The following RNF13 variants were observed in gnomAD, a reference collection of about 807,000 sequenced individuals.
RNF13 encodes E3 ubiquitin-protein ligase RNF13.
RNF13 carries 19 observed loss-of-function variants against 37.7 expected under a neutral mutation model. The observed-to-expected ratio is 0.50, with a 90% CI of 0.35 to 0.74. RNF13 has a LOEUF of 0.74. RNF13 is among the 30% of genes least tolerant of loss of function. RNF13 has a pLI of 0.01. For synonymous variants in RNF13, 144 were observed against 157.8 expected (o/e 0.91, Z 0.65); for missense variants, 375 against 453.0 (o/e 0.83, Z 1.56).
At chr3:149,938,982 C>G (rs1297459777) in intron 8 of RNF13, 5 of 459,532 alleles carry the variant, frequency 1.1e-5, no homozygotes, top group Non-Finnish European at 2.1e-5. Context: ...ATTGTTTAAA[C>G]TATTTTCCTA....
At chr3:149,910,938 A>G (rs1423175811) in intron 6 of RNF13, among the ~76,000 whole-genome samples, 1 of 152,240 alleles carries the variant, frequency 6.6e-6, no homozygotes, top group Non-Finnish European at 1.5e-5. Flanking sequence ...GTCAATTTTT[A>G]TAATGATAAT....
chr3:149,818,854 T>C (rs1439854599), intron 1 of RNF13, among the ~76,000 whole-genome samples: 1 of 152,140 alleles, frequency 6.6e-6, no homozygotes, highest in Non-Finnish European at 1.5e-5. Context: ...GAGGTTGCAG[T>C]GAGCCAAGAC....
intron 4 of RNF13, 91 bp downstream of exon 4, chr3:149,872,245 A>G (rs1175436411): frequency 6.0e-6 from 5 of 828,630 alleles, no homozygotes; most frequent in Non-Finnish European, 8.9e-6. Flanking sequence ...GAAAACATTT[A>G]AAATTTAAAA....
At chr3:149,916,852 T>TC (rs1717568257) in intron 7 of RNF13, among the ~76,000 whole-genome samples, 1 of 152,224 alleles carries the variant, frequency 6.6e-6, no homozygotes, top group Admixed American at 6.5e-5. Context: ...GTATGGCTTT[T>TC]CTTTTTCTAG....
intron 1 of RNF13, among the ~76,000 whole-genome samples, chr3:149,829,736 G>A (rs895015672): frequency 1.3e-5 from 2 of 152,186 alleles, no homozygotes; most frequent in Non-Finnish European, 2.9e-5. Context: ...GTTTTTAAAA[G>A]CGTTAAAAAA....
At chr3:149,816,336 T>C (rs900480540) in intron 1 of RNF13, among the ~76,000 whole-genome samples, 1 of 152,180 alleles carries the variant, frequency 6.6e-6, no homozygotes, top group Non-Finnish European at 1.5e-5. Flanking sequence ...GTCTCTTTTG[T>C]GTCTTATTTC....
chr3:149,838,213 G>A (rs1370534548), intron 1 of RNF13, among the ~76,000 whole-genome samples: 1 of 152,202 alleles, frequency 6.6e-6, no homozygotes, highest in Non-Finnish European at 1.5e-5. Context: ...GCTTTCATGG[G>A]CTGGCGTTGA....
rs1267609848 is a variant in RNF13, at chr3:149,886,823, A to G, written c.322-8650A>G. On this transcript the variant is annotated intron_variant, in intron 4 of 9. Transcript: ENST00000392894. ...GAAAGGATATGATTTTTTCAAATGTATAGTGTTAGTAGTATCCAAATAAGT... is the reference window on the plus strand; with the variant it reads ...GAAAGGATATGATTTTTTCAAATGTGTAGTGTTAGTAGTATCCAAATAAGT... Among the ~76,000 whole-genome samples the G allele has an allele frequency of 2.6e-5, 4 of 152,306 alleles. No homozygotes were observed. The South Asian group carries it at 6.2e-4, about 24-fold the overall frequency.
At chr3:149,874,784 A>T (rs1712495549) in intron 4 of RNF13, among the ~76,000 whole-genome samples, 1 of 152,092 alleles carries the variant, frequency 6.6e-6, no homozygotes. Context: ...AGGTAGTGTG[A>T]CTGGGTAAGG....
intron 1 of RNF13, among the ~76,000 whole-genome samples, chr3:149,835,794 T>A (rs1480439148): frequency 6.6e-6 from 1 of 151,886 alleles, no homozygotes; most frequent in African/African-American, 2.4e-5. Flanking sequence ...TGCAAATATC[T>A]TTTTTTTATG....
chr3:149,917,546 G>A (rs532912585), intron 7 of RNF13: 1 of 152,144 alleles, frequency 6.6e-6, no homozygotes, highest in African/African-American at 2.4e-5. Flanking sequence ...GGTGGCAAAG[G>A]GGCGCATGCT....
At chr3:149,878,132 CT>C (rs1301616853) in intron 4 of RNF13, among the ~76,000 whole-genome samples, 1 of 152,102 alleles carries the variant, frequency 6.6e-6, no homozygotes, top group Non-Finnish European at 1.5e-5. Flanking sequence ...CCCAAACATT[CT>C]TTTGCTTCAG....
chr3:149,869,261 G>A (rs527808560), intron 3 of RNF13, among the ~76,000 whole-genome samples: 1 of 151,850 alleles, frequency 6.6e-6, no homozygotes, highest in African/African-American at 2.4e-5. Flanking sequence ...GTGTTATCTT[G>A]GAGATCACTG....
chr3:149,856,154 T>C (rs1723626714), intron 3 of RNF13, among the ~76,000 whole-genome samples: 1 of 151,996 alleles, frequency 6.6e-6, no homozygotes, highest in South Asian at 2.1e-4. Flanking sequence ...ATCTGTCTGC[T>C]TTTTGCACTT....
chr3:149,869,850 G>T (rs1490413006), intron 3 of RNF13, among the ~76,000 whole-genome samples: 1 of 151,768 alleles, frequency 6.6e-6, no homozygotes, highest in Non-Finnish European at 1.5e-5. Flanking sequence ...TTGGCTATAG[G>T]TGATGCCTTA....
chr3:149,918,711 T>G (rs1488133492), intron 7 of RNF13, among the ~76,000 whole-genome samples: 1 of 148,088 alleles, frequency 6.8e-6, no homozygotes, highest in Non-Finnish European at 1.5e-5. Context: ...TTTTTTTTTG[T>G]AGAGATGGGG....
At chr3:149,821,192 A>G (rs1326775251) in intron 1 of RNF13, among the ~76,000 whole-genome samples, 1 of 152,176 alleles carries the variant, frequency 6.6e-6, no homozygotes, top group African/African-American at 2.4e-5. Context: ...CAAGAATGGA[A>G]TGCTGGGTCT....
At position 149,960,855 on chromosome 3, in the gene RNF13, T is replaced by G. The variant is rs1722334604; in HGVS notation, c.897T>G (p.Ser299Arg). 6.2e-7 allele frequency: 1 copy of G among 1,614,014 alleles called. No individual in the cohort carries two copies. The highest frequency in any genetic ancestry group is 1.7e-5 in the Admixed American group (1 of 59,998). The change falls in exon 10 of 10, where the codon AGT becomes AGG. Residue 299 changes from serine to arginine, a missense_variant. Coordinates refer to ENST00000392894, the MANE Select transcript of RNF13 (RefSeq NM_183381.3). The part of the protein sequence containing the change: ...QGDSDSDTDS[S>R]QEENEVTEHT... ...ATTCAGACTCTGACACAGACAGTAG[T>G]CAAGAAGAAAATGAAGTGACAGAAC...
At chr3:149,888,919 T>A (rs1714344002) in intron 4 of RNF13, among the ~76,000 whole-genome samples, 1 of 152,216 alleles carries the variant, frequency 6.6e-6, no homozygotes, top group African/African-American at 2.4e-5. Context: ...ATTAGAAGTT[T>A]GTTTTAAACA....
Sources: gnomAD v4.1 joint callset for allele counts (sites outside exome capture counted in the v4.1 genomes callset) on GRCh38, gnomAD v4.1.1 for gene constraint, MANE v1.5 for transcripts, NCBI Gene and HGNC (gene_info 2026-07-23, HGNC 2026-07-21) for gene names.